Variants in DLGAP1 observed in about 807,000 individuals in gnomAD.
DLGAP1 encodes disks large-associated protein 1.
In DLGAP1, 11 loss-of-function variants were observed where a neutral mutation model predicts 90.8. The ratio of observed to expected loss-of-function variants is 0.12; its 90% CI spans 0.08 to 0.20. DLGAP1 has a LOEUF of 0.20. Among genes scored for constraint, DLGAP1 ranks in the 10% least tolerant of loss-of-function variants. The probability of loss-of-function intolerance (pLI) is 1.00; values close to 1 mark genes in which losing one functional copy is unlikely to be tolerated. For missense variants in DLGAP1, 1,050 were observed against 1,333.8 expected (o/e 0.79, Z 3.31); for synonymous variants, 558 against 540.7 (o/e 1.03, Z -0.44).
At position 3,744,734 on chromosome 18, in the gene DLGAP1, T is replaced by C. The variant is rs966244956; in HGVS notation, c.1173-2222A>G. ...CTAATTTTTGTATTTTTAGTAGAGA[T>C]GGGGTTTCACCATGTTGGCCCGGCT... On this transcript the variant is annotated intron_variant, in intron 5 of 12. Coordinates refer to ENST00000315677, the MANE Select transcript of DLGAP1 (RefSeq NM_004746.4). 4.6e-5 allele frequency among the ~76,000 whole-genome samples: 7 copies of C among 152,184 alleles called. No individual in the cohort carries two copies. In the South Asian group the frequency reaches 6.2e-4, roughly 14 times the overall value.
rs571037902 is a variant in DLGAP1 at position 4,303,479 on chromosome 18, T to C, written c.-267+151527A>G. Among the ~76,000 whole-genome samples, 3 of 152,280 alleles carry C rather than the reference T, an allele frequency of 2.0e-5. 1 individual carries two copies. In the South Asian group the frequency reaches 6.2e-4, roughly 32 times the overall value. Reference sequence around the variant, plus strand: ...CCTCTGGTAGTCAGGCTGGCCTCTCTCAGAGCAGTGAGGGCCCTAGGATGC... The same window carrying C: ...CCTCTGGTAGTCAGGCTGGCCTCTCCCAGAGCAGTGAGGGCCCTAGGATGC... On this transcript the variant is annotated intron_variant, in intron 1 of 12. Coordinates refer to ENST00000315677, the MANE Select transcript of DLGAP1 (RefSeq NM_004746.4).
intron 2 of DLGAP1, among the ~76,000 whole-genome samples, chr18:4,148,214 C>A (rs538925102): frequency 6.6e-6 from 1 of 152,132 alleles, no homozygotes; most frequent in South Asian, 2.1e-4. Context: ...TGTTTGAAAA[C>A]CACAAAGCCT....
intron 7 of DLGAP1, among the ~76,000 whole-genome samples, chr18:3,709,134 T>C (rs1028351612): frequency 3.3e-5 from 5 of 152,162 alleles, no homozygotes; most frequent in African/African-American, 1.2e-4. Context: ...CCTATAAATA[T>C]ACACTTGCAA....
At chr18:4,004,458 A>G (rs930654232) in intron 3 of DLGAP1, among the ~76,000 whole-genome samples, 1 of 152,136 alleles carries the variant, frequency 6.6e-6, no homozygotes. Flanking sequence ...GGATGTTAAC[A>G]TCATTCAGCC....
chr18:4,200,101 A>C (rs1418275455), intron 1 of DLGAP1, among the ~76,000 whole-genome samples: 2 of 152,138 alleles, frequency 1.3e-5, no homozygotes, highest in African/African-American at 4.8e-5. Context: ...ATTGGATTCC[A>C]AGTATTTTCT....
chr18:3,973,142 A>G (rs2073488899), intron 3 of DLGAP1, among the ~76,000 whole-genome samples: 1 of 152,268 alleles, frequency 6.6e-6, no homozygotes. Flanking sequence ...GAGTAATCCA[A>G]TCTTTATTGA....
rs142798981 is a variant in DLGAP1 at position 3,621,772 on chromosome 18, A to C, written c.1592-39524T>G. On this transcript the variant is annotated intron_variant, in intron 7 of 12. Coordinates refer to ENST00000315677, the MANE Select transcript of DLGAP1 (RefSeq NM_004746.4). ...AACTTTGTTAAGCTTAATTTGGCTA[A>C]GGTTTTTCTTTCAACACGTCCCTGC... Among the ~76,000 whole-genome samples the C allele has an allele frequency of 3.3e-5, 5 of 152,208 alleles. No individual in the cohort carries two copies. In the East Asian group the frequency reaches 9.6e-4, roughly 29 times the overall value.
chr18:3,697,977 G>T (rs572431004), intron 7 of DLGAP1, among the ~76,000 whole-genome samples: 35 of 152,126 alleles, frequency 2.3e-4, no homozygotes, highest in Admixed American at 6.5e-5. Context: ...TTGGCTTAAA[G>T]TCTGTTTTAT....
intron 1 of DLGAP1, among the ~76,000 whole-genome samples, chr18:4,355,792 TAAG>T (rs1411292516): frequency 6.9e-6 from 1 of 144,382 alleles, no homozygotes; most frequent in Non-Finnish European, 1.5e-5. Context: ...AATTTCAAAA[TAAG>T]AAGTATAAAA....
chr18:4,166,930 T>C (rs1607967), intron 1 of DLGAP1, among the ~76,000 whole-genome samples: 15,915 of 152,278 alleles, frequency 0.1, 1,042 homozygotes, highest in East Asian at 0.27. Context: ...TTTGGAATGA[T>C]GAAAAATATC....
intron 3 of DLGAP1, among the ~76,000 whole-genome samples, chr18:3,956,255 C>T (rs536673616): frequency 5.9e-5 from 9 of 152,248 alleles, no homozygotes; most frequent in East Asian, 1.9e-4. Context: ...TGAGAAGATC[C>T]GTTTTTAAAT....
At chr18:3,892,114 A>AACACACACACACACAC (rs3985698) in intron 3 of DLGAP1, 2 of 132,296 alleles carry the variant, frequency 1.5e-5, no homozygotes, top group Non-Finnish European at 3.3e-5. Flanking sequence ...TCACCTCTAA[A>AACACACACACACACAC]ACACACACAC....
At chr18:3,985,910 T>A (rs1439941172) in intron 3 of DLGAP1, among the ~76,000 whole-genome samples, 1 of 152,170 alleles carries the variant, frequency 6.6e-6, no homozygotes, top group Non-Finnish European at 1.5e-5. Flanking sequence ...TGCAAATACT[T>A]TTCTGGAATA....
intron 2 of DLGAP1, among the ~76,000 whole-genome samples, chr18:4,027,225 G>C (rs1373113249): frequency 6.6e-6 from 1 of 151,978 alleles, no homozygotes; most frequent in Non-Finnish European, 1.5e-5. Flanking sequence ...AAATAATGTG[G>C]TCTGGTGTGG....
At position 3,729,399 on chromosome 18, in the gene DLGAP1, G is replaced by A. The variant is rs747477657; in HGVS notation, c.1351-24C>T. 4 of 1,597,384 alleles carry A rather than the reference G, an allele frequency of 2.5e-6. No individual in the cohort carries two copies. The South Asian group carries it at 4.5e-5, about 18-fold the overall frequency. ...ACCTGCGGGCAGACACAGGCGTTGT[G>A]ACACTCGCCTCCACCTGGTGGAGGA... On this transcript the variant is annotated intron_variant, in intron 6 of 12. Coordinates refer to ENST00000315677, the MANE Select transcript of DLGAP1 (RefSeq NM_004746.4). The surrounding 1 kb of genome is among the most constrained non-coding windows in gnomAD (Gnocchi z 6.2).
intron 1 of DLGAP1, among the ~76,000 whole-genome samples, chr18:4,271,427 T>C (rs1260076617): frequency 2.0e-5 from 3 of 152,236 alleles, no homozygotes; most frequent in African/African-American, 4.8e-5. Context: ...ATTTGCCTGG[T>C]ATCCTTTGGG....
intron 1 of DLGAP1, among the ~76,000 whole-genome samples, chr18:4,395,857 C>T (rs2082429005): frequency 6.6e-6 from 1 of 152,076 alleles, no homozygotes; most frequent in Admixed American, 6.5e-5. Flanking sequence ...AATGCGGGAG[C>T]TGCAGTTAAC....
chr18:4,449,096 G>C (rs889411104), intron 1 of DLGAP1, among the ~76,000 whole-genome samples: 2 of 152,088 alleles, frequency 1.3e-5, no homozygotes, highest in Non-Finnish European at 2.9e-5. Flanking sequence ...TTATAATTAC[G>C]TATCAGACTC....
At chr18:4,007,154 G>A (rs117095473) in intron 2 of DLGAP1, among the ~76,000 whole-genome samples, 2,490 of 152,144 alleles carry the variant, frequency 0.016, 123 homozygotes, top group Admixed American at 0.1. Flanking sequence ...CAGATATTTC[G>A]AAAAGACTCC....
Sources: gnomAD v4.1 joint callset for allele counts (sites outside exome capture counted in the v4.1 genomes callset) on GRCh38, gnomAD v4.1.1 for gene constraint, Gnocchi (gnomAD v3.1) non-coding constraint, MANE v1.5 for transcripts, NCBI Gene and HGNC (gene_info 2026-07-23, HGNC 2026-07-21) for gene names.